The following PALM2AKAP2 variants were observed in gnomAD, a reference collection of about 807,000 sequenced individuals.
PALM2AKAP2 encodes the protein PALM2 and AKAP2 fusion, also known as PALM2-AKAP2 fusion protein.
A neutral mutation model predicts 71.5 loss-of-function variants in PALM2AKAP2; 37 were observed. That is an observed-to-expected ratio of 0.52 (90% confidence interval 0.40 to 0.68). The LOEUF is 0.68. Ranked by LOEUF, PALM2AKAP2 falls within the 30% of genes least tolerant of loss-of-function variation. The pLI is 0.00. For missense variants in PALM2AKAP2, 1,224 were observed against 1,191.8 expected (o/e 1.03, Z -0.40); for synonymous variants, 468 against 478.8 (o/e 0.98, Z 0.29).
intron 1 of PALM2AKAP2, among the ~76,000 whole-genome samples, chr9:109,799,507 T>C (rs1367182258): frequency 6.6e-6 from 1 of 152,196 alleles, no homozygotes; most frequent in African/African-American, 2.4e-5. Context: ...GGGGAGTTTA[T>C]TTTTGAGATG....
intron 7 of PALM2AKAP2, among the ~76,000 whole-genome samples, chr9:110,019,942 A>T (rs868781494): frequency 1.3e-5 from 2 of 152,292 alleles, no homozygotes; most frequent in Middle Eastern, 3.4e-3. Flanking sequence ...AATCTATAAT[A>T]AAAAAATTAA....
intron 7 of PALM2AKAP2, among the ~76,000 whole-genome samples, chr9:110,030,308 G>A (rs1433697507): frequency 6.6e-6 from 1 of 152,192 alleles, no homozygotes; most frequent in South Asian, 2.1e-4. Context: ...ACAGAAGTCT[G>A]TTCAGATGTG....
chr9:109,753,030 A>G (rs915295399), intron 1 of PALM2AKAP2, among the ~76,000 whole-genome samples: 11 of 152,160 alleles, frequency 7.2e-5, no homozygotes, highest in African/African-American at 2.2e-4. Flanking sequence ...CTCCATTTCA[A>G]TCCTGGTCAT....
rs202082053 is a variant in PALM2AKAP2 at position 110,136,825 on chromosome 9, T to G, written c.855T>G (p.Asp285Glu). The change falls in exon 2 of 4, where the codon GAT becomes GAG. Residue 285 changes from aspartate (D) to glutamate (E), a missense_variant. Physicochemically the swap from Asp to Glu is conservative, Grantham distance 45. Coordinates refer to ENST00000374525, the Ensembl canonical transcript of PALM2AKAP2. ...AGAAGCCCTCCAAGCTCTTTGAGGA[T>G]GACGAGCATGAGAAAGAACAATACT... 163 of 1,614,124 alleles carry G rather than the reference T, an allele frequency of 1.0e-4. No homozygotes were observed. The East Asian group carries it at 3.6e-3, about 36-fold the overall frequency.
At chr9:110,044,344 CTTTTTTTTTTT>C (rs57314430), upstream of PALM2AKAP2, among the ~76,000 whole-genome samples, 6 of 80,154 alleles carry the variant, frequency 7.5e-5, no homozygotes, top group East Asian at 3.5e-4. Context: ...TTCTTTCTTT[CTTTTTTTTTTT>C]TTTTTTTTTT....
exon 2 of PALM2AKAP2, chr9:110,137,689 T>A (rs1401390874): frequency 6.2e-7 from 1 of 1,614,116 alleles, no homozygotes; most frequent in South Asian, 1.1e-5. Context: ...GGTCTCAGGA[T>A]ACCACAGTCC....
chr9:110,027,008 A>ACT (rs971871659), intron 7 of PALM2AKAP2, among the ~76,000 whole-genome samples: 6 of 152,186 alleles, frequency 3.9e-5, no homozygotes, highest in African/African-American at 1.4e-4. Flanking sequence ...GCGCCACTGC[A>ACT]CTCCAGCCTG....
intron 3 of PALM2AKAP2, among the ~76,000 whole-genome samples, chr9:109,908,782 G>A (rs572297940): frequency 1.3e-4 from 19 of 150,870 alleles, no homozygotes; most frequent in African/African-American, 1.7e-4. Context: ...TGTGAAAGAT[G>A]TGGCTGAGGC....
At chr9:109,976,526 G>A (rs1832175759) in intron 6 of PALM2AKAP2, among the ~76,000 whole-genome samples, 1 of 152,190 alleles carries the variant, frequency 6.6e-6, no homozygotes, top group African/African-American at 2.4e-5. Flanking sequence ...GTTGAAGGGT[G>A]AGTAGAAGAT....
chr9:109,839,015 A>T (rs890049483), intron 1 of PALM2AKAP2, among the ~76,000 whole-genome samples: 1 of 152,210 alleles, frequency 6.6e-6, no homozygotes, highest in African/African-American at 2.4e-5. Context: ...AAAAGAGGGA[A>T]TCCTTCCTAA....
Position 110,082,463 on chromosome 9 carries a change from T to C in PALM2AKAP2, c.156+33608T>C, listed in dbSNP as rs144170405. 3.3e-5 allele frequency among the ~76,000 whole-genome samples: 5 copies of C among 152,324 alleles called. No individual in the cohort carries two copies. In the East Asian group the frequency reaches 7.7e-4, roughly 23 times the overall value. ...TTGAGATCACCTATAAAATAAAGTA[T>C]ATAAAAACAACCAGTAGTTTTGTGT... is the stretch of plus-strand genomic sequence containing the variant. On this transcript the variant is annotated intron_variant, in intron 1 of 3. Transcript: ENST00000374525.
chr9:110,148,211 C>G (rs1836225942), intron 2 of PALM2AKAP2, among the ~76,000 whole-genome samples: 1 of 152,134 alleles, frequency 6.6e-6, no homozygotes, highest in Non-Finnish European at 1.5e-5. Flanking sequence ...GCCTTAAACT[C>G]TGCTTGCCCT....
intron 1 of PALM2AKAP2, among the ~76,000 whole-genome samples, chr9:109,669,691 A>C (rs1587861037): frequency 1.3e-5 from 2 of 151,684 alleles, no homozygotes; most frequent in South Asian, 4.1e-4. Context: ...TTTTTCAGGA[A>C]ATTTTTGGTA....
chr9:109,784,627 G>A (rs1826913368), intron 1 of PALM2AKAP2, among the ~76,000 whole-genome samples: 1 of 152,240 alleles, frequency 6.6e-6, no homozygotes, highest in Non-Finnish European at 1.5e-5. Flanking sequence ...TTATGAGGTA[G>A]GCACTACAGT....
chr9:109,995,263 A>C (rs1219727588), intron 6 of PALM2AKAP2, among the ~76,000 whole-genome samples: 1 of 152,142 alleles, frequency 6.6e-6, no homozygotes, highest in Non-Finnish European at 1.5e-5. Flanking sequence ...TCATGTAGTA[A>C]GAAAAGGGAG....
chr9:110,109,916 A>G (rs1252614752), intron 1 of PALM2AKAP2, among the ~76,000 whole-genome samples: 2 of 152,172 alleles, frequency 1.3e-5, no homozygotes, highest in Admixed American at 1.3e-4. Context: ...TGAGATCAGT[A>G]TGTTGGAGAG....
chr9:110,023,305 C>CTTTTTTT lies in PALM2AKAP2; in HGVS notation c.582+7286_582+7292dup, dbSNP rs149672913. Among the ~76,000 whole-genome samples the CTTTTTTT allele has an allele frequency of 9.2e-3, 684 of 74,038 alleles. 92 individuals carry two copies. The highest frequency in any genetic ancestry group is 0.029 in the African/African-American group (477 of 16,182). 48.6% of individuals were successfully genotyped at this position (74,038 alleles called of 152,430 possible). A position where few individuals can be genotyped will look rare whatever the true frequency, so the allele number is the denominator to read the frequency against. ...GTGAGATGGTATCTCATTGTGGTTT[C>CTTTTTTT]TTTTTTTTTTTTTTTTTTTTTTTTT... On this transcript the variant is annotated intron_variant, in intron 7 of 9. Coordinates refer to the PALM2AKAP2 transcript ENST00000302798.
At chr9:109,985,138 T>C (rs368715539) in intron 6 of PALM2AKAP2, among the ~76,000 whole-genome samples, 505 of 151,808 alleles carry the variant, frequency 3.3e-3, no homozygotes, top group African/African-American at 0.011. Context: ...ATCACGCCAT[T>C]GCACTCCAGC....
At chr9:109,994,013 A>T (rs1832529184) in intron 6 of PALM2AKAP2, among the ~76,000 whole-genome samples, 1 of 152,098 alleles carries the variant, frequency 6.6e-6, no homozygotes, top group African/African-American at 2.4e-5. Context: ...CAGTATTATA[A>T]ATACCTAGCT....
Sources: gnomAD v4.1 joint callset for allele counts (sites outside exome capture counted in the v4.1 genomes callset) on GRCh38, gnomAD v4.1.1 for gene constraint, MANE v1.5 for transcripts, NCBI Gene and HGNC (gene_info 2026-07-23, HGNC 2026-07-21) for gene names.